The following ZCCHC2 variants were observed in gnomAD, a reference collection of about 807,000 sequenced individuals.
The protein encoded by ZCCHC2 is zinc finger CCHC domain-containing protein 2.
A neutral mutation model predicts 103.6 loss-of-function variants in ZCCHC2; 39 were observed. The ratio of observed to expected loss-of-function variants is 0.38; its 90% CI spans 0.29 to 0.49. ZCCHC2 has a LOEUF of 0.49. Ranked by LOEUF, ZCCHC2 falls within the 20% of genes least tolerant of loss-of-function variation. The pLI is 0.96. For missense variants in ZCCHC2, 1,483 were observed against 1,491.0 expected (o/e 0.99, Z 0.09); for synonymous variants, 687 against 608.9 (o/e 1.13, Z -1.89).
At chr18:62,550,594 G>A in intron 5 of ZCCHC2, 134 bp downstream of exon 5, 3 of 650,652 alleles carry the variant, frequency 4.6e-6, no homozygotes, top group Non-Finnish European at 5.3e-6. Flanking sequence ...TGTTATCCTT[G>A]TGCTATTTAG....
At position 62,541,872 on chromosome 18, in the gene ZCCHC2, A is replaced by C. The variant is rs183948089; in HGVS notation, c.1052-626A>C. ...TCAATTCAGAGTGTTTTAAAGTTTA[A>C]TATAATTTATGTTTACTATTTTATC... On this transcript the variant is annotated intron_variant, in intron 2 of 13. Coordinates refer to ENST00000269499, the MANE Select transcript of ZCCHC2 (RefSeq NM_017742.6). Among the ~76,000 whole-genome samples, 973 of 152,308 alleles carry C rather than the reference A, an allele frequency of 6.4e-3. 6 individuals carry two copies. The highest frequency in any genetic ancestry group is 9.7e-3 in the Non-Finnish European group (657 of 68,026).
rs1270061984 is a variant in ZCCHC2 at position 62,556,304 on chromosome 18, A to G, written c.1408+7A>G. On this transcript the variant is annotated splice_region_variant and intron_variant, in intron 6 of 13. Coordinates refer to ENST00000269499, the MANE Select transcript of ZCCHC2 (RefSeq NM_017742.6). The stretch of plus-strand genomic sequence containing the variant: ...GACTCCCTACACAGTATCAGTAAGC[A>G]TCCTCTGTCCCTCTGTGGAAATCTT... 1 of 1,580,572 alleles carries G rather than the reference A, an allele frequency of 6.3e-7. No individual in the cohort carries two copies. Among genetic ancestry groups the G allele is most frequent in the East Asian group, 2.3e-5 (1 of 44,382 alleles).
At chr18:62,527,770 T>C (rs1266401545) in intron 1 of ZCCHC2, among the ~76,000 whole-genome samples, 1 of 152,234 alleles carries the variant, frequency 6.6e-6, no homozygotes, top group Non-Finnish European at 1.5e-5. Flanking sequence ...ATAGCATAGC[T>C]GAAAACGCTT....
At chr18:62,532,427 A>T (rs369275464) in intron 1 of ZCCHC2, among the ~76,000 whole-genome samples, 77 of 152,152 alleles carry the variant, frequency 5.1e-4, no homozygotes, top group African/African-American at 1.7e-3. Context: ...TAGCCTTCCC[A>T]CTTCTAATCG....
At chr18:62,569,050 T>G (rs1443352409) in intron 11 of ZCCHC2, among the ~76,000 whole-genome samples, 1 of 152,222 alleles carries the variant, frequency 6.6e-6, no homozygotes, top group Non-Finnish European at 1.5e-5. Flanking sequence ...CCTCATAAGA[T>G]TTTGTGCAGT....
At chr18:62,557,134 A>G (rs961786227) in intron 6 of ZCCHC2, among the ~76,000 whole-genome samples, 1 of 152,068 alleles carries the variant, frequency 6.6e-6, no homozygotes, top group African/African-American at 2.4e-5. Flanking sequence ...AGTTTTTCTT[A>G]TGTTCCGTAT....
chr18:62,562,480 C>A (rs1290028069), intron 8 of ZCCHC2, among the ~76,000 whole-genome samples: 3 of 151,954 alleles, frequency 2.0e-5, no homozygotes, highest in African/African-American at 7.3e-5. Flanking sequence ...TTTATAAGTT[C>A]TATAATTTAC....
At chr18:62,554,971 G>A (rs995576624) in intron 5 of ZCCHC2, among the ~76,000 whole-genome samples, 1 of 152,130 alleles carries the variant, frequency 6.6e-6, no homozygotes, top group East Asian at 1.9e-4. Flanking sequence ...TGAATAATAG[G>A]TCAAAAACCT....
At chr18:62,535,867 C>T (rs768317311) in intron 1 of ZCCHC2, among the ~76,000 whole-genome samples, 31 of 152,288 alleles carry the variant, frequency 2.0e-4, no homozygotes, top group Non-Finnish European at 3.7e-4. Context: ...TTTTCTAAGT[C>T]TCATTTGACA....
At position 62,523,070 on chromosome 18, in the gene ZCCHC2, A is replaced by C. The variant is rs1914110958; in HGVS notation, c.-355A>C. ...CGTCCTCACCGGCTCGCGAGGGAAC[A>C]GCTCAGGCACCGCCGCCCCGGCTCA... On this transcript the variant is annotated 5_prime_UTR_variant, in exon 1 of 14. Coordinates refer to ENST00000269499, the MANE Select transcript of ZCCHC2 (RefSeq NM_017742.6). 6.6e-6 allele frequency: 1 copy of C among 152,058 alleles called. No individual in the cohort carries two copies. The highest frequency in any genetic ancestry group is 1.5e-5 in the Non-Finnish European group (1 of 68,094). The allele number at this position is 152,058 out of a possible 1,614,324, so 9.4% of individuals were successfully genotyped here. A position where few individuals can be genotyped will look rare whatever the true frequency, so the allele number is the denominator to read the frequency against.
chr18:62,560,956 G>T (rs1173498241), intron 8 of ZCCHC2, among the ~76,000 whole-genome samples: 3 of 151,926 alleles, frequency 2.0e-5, no homozygotes, highest in African/African-American at 7.3e-5. Context: ...TTGGATATTT[G>T]TGCTTGTACT....
At chr18:62,561,346 T>C (rs1427492242) in intron 8 of ZCCHC2, among the ~76,000 whole-genome samples, 2 of 152,258 alleles carry the variant, frequency 1.3e-5, no homozygotes, top group Non-Finnish European at 2.9e-5. Context: ...GTTCTCCCTT[T>C]ATTTCCTTGC....
At chr18:62,578,926 C>T (rs1336449469), downstream of ZCCHC2, among the ~76,000 whole-genome samples, 1 of 152,140 alleles carries the variant, frequency 6.6e-6, no homozygotes, top group African/African-American at 2.4e-5. Flanking sequence ...TACCATGACA[C>T]CCAGCTAATT....
At position 62,563,134 on chromosome 18, in the gene ZCCHC2, C is replaced by T. The variant is rs776268854; in HGVS notation, c.1676C>T (p.Ser559Leu). The T allele has an allele frequency of 1.8e-5, 29 of 1,612,826 alleles. No homozygotes were observed. Among genetic ancestry groups the T allele is most frequent in the South Asian group, 9.9e-5 (9 of 91,022 alleles). ...CAACACCCAGAGCACTGTGTGACCT[C>T]GGCTGACCAGGTGTGTGGGGAGTTT... ...TIQHPEHCVT[S>L]ADQHSAEKRS... Residue 559 changes from serine (S) to leucine (L), a missense_variant, in exon 9 of 14, where the codon TCG (serine) becomes TTG (leucine). Coordinates refer to ENST00000269499, the MANE Select transcript of ZCCHC2 (RefSeq NM_017742.6).
chr18:62,524,023 C>A lies in ZCCHC2; in HGVS notation c.599C>A (p.Ser200Ter). The A allele has an allele frequency of 6.8e-7, 1 of 1,478,126 alleles. No individual in the cohort carries two copies. 91.6% of individuals were successfully genotyped at this position (1,478,126 alleles called of 1,614,324 possible). The change falls in exon 1 of 14, where the codon TCG becomes TAG. Residue 200 changes from serine to a stop codon, truncating the protein, a stop_gained. Transcript: ENST00000269499. LOFTEE classifies it high-confidence loss of function. ...CACCGCCTGCTACCCCAGGTGGACTCGGTGCTCAAAAGCCTGCGCGCGGCC... is the reference window on the plus strand; with the variant it reads ...CACCGCCTGCTACCCCAGGTGGACTAGGTGCTCAAAAGCCTGCGCGCGGCC... ...RLHRLLPQVD[S>*]VLKSLRAARG...
At chr18:62,561,545 G>A (rs1426005071) in intron 8 of ZCCHC2, among the ~76,000 whole-genome samples, 1 of 152,214 alleles carries the variant, frequency 6.6e-6, no homozygotes, top group Non-Finnish European at 1.5e-5. Context: ...CATTCTGGGA[G>A]GGCCCAGAAG....
intron 8 of ZCCHC2, among the ~76,000 whole-genome samples, chr18:62,561,331 A>C (rs1394406838): frequency 6.6e-6 from 1 of 152,176 alleles, no homozygotes; most frequent in Non-Finnish European, 1.5e-5. Flanking sequence ...TTTCCTTATC[A>C]TCTGGTTCTC....
At chr18:62,568,636 C>T (rs1304385711) in intron 11 of ZCCHC2, among the ~76,000 whole-genome samples, 2 of 152,116 alleles carry the variant, frequency 1.3e-5, no homozygotes, top group East Asian at 3.8e-4. Flanking sequence ...CTGAAATTTG[C>T]TCTTTGAACT....
intron 12 of ZCCHC2, among the ~76,000 whole-genome samples, chr18:62,570,701 A>G (rs188024264): frequency 6.6e-4 from 100 of 152,252 alleles, no homozygotes; most frequent in Middle Eastern, 3.4e-3. Flanking sequence ...TTTGTTTTCT[A>G]TCCTTTTACT....
Sources: allele counts gnomAD v4.1 joint callset (sites outside exome capture counted in the v4.1 genomes callset), GRCh38; gene constraint gnomAD v4.1.1; transcripts MANE v1.5; gene names NCBI Gene and HGNC (gene_info 2026-07-23, HGNC 2026-07-21).